DHX15: variants seen among roughly 807,000 people sequenced by gnomAD.
DHX15 encodes ATP-dependent RNA helicase DHX15.
DHX15 carries 11 observed loss-of-function variants against 94.4 expected under a neutral mutation model. That is an observed-to-expected ratio of 0.12 (90% CI 0.07 to 0.19). DHX15 has a LOEUF of 0.19. DHX15 is among the 10% of genes least tolerant of loss of function. DHX15 has a pLI of 1.00. For synonymous variants in DHX15, 338 were observed against 329.9 expected (o/e 1.02, Z -0.27); for missense variants, 304 against 988.5 (o/e 0.31, Z 9.29).
At chr4:24,565,499 T>C (rs562243497) in intron 3 of DHX15, among the ~76,000 whole-genome samples, 3 of 152,312 alleles carry the variant, frequency 2.0e-5, no homozygotes, top group Admixed American at 2.0e-4. Flanking sequence ...GTTCAATAAA[T>C]TAGTTTATAA....
intron 3 of DHX15, among the ~76,000 whole-genome samples, chr4:24,569,737 G>A (rs1028997442): frequency 3.9e-5 from 6 of 152,032 alleles, no homozygotes; most frequent in Non-Finnish European, 5.9e-5. Flanking sequence ...AAAAACCTCA[G>A]GGAGAAGATC....
At chr4:24,546,298 A>C (rs1042324135) in intron 6 of DHX15, among the ~76,000 whole-genome samples, 1 of 152,236 alleles carries the variant, frequency 6.6e-6, no homozygotes, top group African/African-American at 2.4e-5. Context: ...TTCACTGAGC[A>C]ATGTATGCTC....
At chr4:24,547,869 CT>C (rs1721458960) in intron 6 of DHX15, among the ~76,000 whole-genome samples, 1 of 7,946 alleles carries the variant, frequency 1.3e-4, no homozygotes, top group Non-Finnish European at 2.0e-4. Flanking sequence ...ATGTCTCTCT[CT>C]CTCTCTCTCT....
At chr4:24,549,677 C>G (rs1235723777) in intron 5 of DHX15, among the ~76,000 whole-genome samples, 1 of 152,162 alleles carries the variant, frequency 6.6e-6, no homozygotes, top group Non-Finnish European at 1.5e-5. Context: ...AACTGTATAG[C>G]CTATTGCTCC....
At chr4:24,565,494 A>T (rs913737752) in intron 3 of DHX15, among the ~76,000 whole-genome samples, 5 of 152,250 alleles carry the variant, frequency 3.3e-5, no homozygotes, top group African/African-American at 1.2e-4. Flanking sequence ...CAGATGTTCA[A>T]TAAATTAGTT....
At position 24,548,972 on chromosome 4, in the gene DHX15, G is replaced by A. The variant is rs1478938695; in HGVS notation, c.1131C>T (p.Gly377=). Residue 377 remains glycine, a synonymous_variant, in exon 6 of 14, where the codon GGC becomes GGT. Transcript: ENST00000336812. ...KRIKREVDDL[G]PEVGDIKIIP... Reference sequence around the variant, plus strand: ...TGATTTTAATGTCACCAACTTCAGGGCCCAAATCATCAACTTCACGCTTTA... The same window carrying A: ...TGATTTTAATGTCACCAACTTCAGGACCCAAATCATCAACTTCACGCTTTA... 3.1e-6 allele frequency: 5 copies of A among 1,613,732 alleles called. No individual in the cohort carries two copies. The highest frequency in any genetic ancestry group is 1.1e-5 in the South Asian group (1 of 91,042).
At chr4:24,542,869 G>A (rs1721344926) in intron 7 of DHX15, 71 bp downstream of exon 7, 1 of 1,071,638 alleles carries the variant, frequency 9.3e-7, no homozygotes, top group Non-Finnish European at 1.4e-6. Context: ...GTAAATTTTA[G>A]CCATTAAATG....
At chr4:24,566,042 AT>A (rs68141816) in intron 3 of DHX15, among the ~76,000 whole-genome samples, 6,405 of 138,436 alleles carry the variant, frequency 0.046, 312 homozygotes, top group African/African-American at 0.13. Flanking sequence ...ACAAACCACC[AT>A]TTTTTTTTTT....
intron 4 of DHX15, 48 bp downstream of exon 4, chr4:24,556,202 GC>G: frequency 1.3e-6 from 2 of 1,518,096 alleles, no homozygotes; most frequent in Non-Finnish European, 1.8e-6. Context: ...CCATTTTTAT[GC>G]CCACATACAC....
intron 3 of DHX15, among the ~76,000 whole-genome samples, chr4:24,562,110 TG>T (rs1449399800): frequency 8.6e-6 from 1 of 116,430 alleles, no homozygotes; most frequent in Non-Finnish European, 1.6e-5. Flanking sequence ...CACTCCAGCC[TG>T]GAAGAGTGAG....
chr4:24,566,210 T>C (rs1721988891), intron 3 of DHX15, among the ~76,000 whole-genome samples: 1 of 152,058 alleles, frequency 6.6e-6, no homozygotes. Flanking sequence ...TGGCTCATTT[T>C]TTTAATATAT....
At chr4:24,533,758 T>G (rs903512219) in intron 11 of DHX15, 1 of 152,158 alleles carries the variant, frequency 6.6e-6, no homozygotes, top group African/African-American at 2.4e-5. Flanking sequence ...TGAAAGAAAT[T>G]TTACAGTGAC....
intron 2 of DHX15, among the ~76,000 whole-genome samples, chr4:24,571,711 G>C (rs897450072): frequency 6.6e-6 from 1 of 152,158 alleles, no homozygotes; most frequent in African/African-American, 2.4e-5. Context: ...TAATGCTACA[G>C]GAAACATGGA....
At chr4:24,556,150 C>T (rs1721734018) in intron 4 of DHX15, 101 bp downstream of exon 4, 2 of 914,016 alleles carry the variant, frequency 2.2e-6, no homozygotes, top group Non-Finnish European at 3.2e-6. Context: ...CCTTCTTTTA[C>T]AGGTGATTTC....
At chr4:24,575,450 A>T (rs536103861) in intron 2 of DHX15, among the ~76,000 whole-genome samples, 41 of 152,326 alleles carry the variant, frequency 2.7e-4, no homozygotes, top group African/African-American at 9.6e-4. Context: ...GTTACTTCTC[A>T]CCCACAGCAA....
chr4:24,576,569 ACTCCTT>A lies in DHX15; in HGVS notation c.175_180del (p.Lys59_Glu60del), dbSNP rs963411314. 10 of 1,613,288 alleles carry A rather than the reference ACTCCTT, an allele frequency of 6.2e-6. No homozygotes were observed. The African/African-American group carries it at 1.2e-4, about 19-fold the overall frequency. The stretch of plus-strand genomic sequence containing the variant: ...AGCATAGCATTTGTTGAAGCTCGCA[ACTCCTT>A]CTCCTTTTCTTTCTCCCTCTCTCGC... On this transcript the variant is annotated inframe_deletion, in exon 2 of 14. Transcript: ENST00000336812.
At chr4:24,559,895 T>A (rs1721826831) in intron 3 of DHX15, among the ~76,000 whole-genome samples, 1 of 152,190 alleles carries the variant, frequency 6.6e-6, no homozygotes, top group Non-Finnish European at 1.5e-5. Flanking sequence ...GAAACACTAG[T>A]CTAAATTAAT....
At position 24,537,881 on chromosome 4, in the gene DHX15, G is replaced by A. The variant is rs1721227549; in HGVS notation, c.1787-708C>T. 6.6e-6 allele frequency: 1 copy of A among 151,928 alleles called. No individual in the cohort carries two copies. Among genetic ancestry groups the A allele is most frequent in the South Asian group, 2.1e-4 (1 of 4,826 alleles). The allele number at this position is 151,928 out of a possible 1,614,324, so 9.4% of individuals were successfully genotyped here. On this transcript the variant is annotated intron_variant, in intron 10 of 13. Transcript: ENST00000336812. This position sits in a 1 kb window ranked among gnomAD's most constrained non-coding sequence, Gnocchi z 4.7. ...TTTAACAAAAGGATTAGAAAATAAA[G>A]TCCCAAATTTAAAAAAGAAAAAAAA...
chr4:24,582,022 G>T (rs886427724), intron 1 of DHX15, among the ~76,000 whole-genome samples: 1 of 152,076 alleles, frequency 6.6e-6, no homozygotes, highest in African/African-American at 2.4e-5. Flanking sequence ...AGTGGAGTTT[G>T]TAAGACTGAC....
Sources: allele counts gnomAD v4.1 joint callset (sites outside exome capture counted in the v4.1 genomes callset), GRCh38; gene constraint gnomAD v4.1.1; non-coding constraint Gnocchi (gnomAD v3.1); transcripts MANE v1.5; gene names NCBI Gene and HGNC (gene_info 2026-07-23, HGNC 2026-07-21).